Variants in LYPLAL1 observed in about 807,000 individuals in gnomAD.
LYPLAL1 encodes lysophospholipase like 1, also known as lysophospholipase-like protein 1.
LYPLAL1 carries 23 observed loss-of-function variants against 19.7 expected under a neutral mutation model. The ratio of observed to expected loss-of-function variants is 1.17; its 90% confidence interval spans 0.84 to 1.65. LYPLAL1 has a LOEUF of 1.65. LYPLAL1 is among the 40% of genes most tolerant of loss of function. The pLI is 0.00. For missense variants in LYPLAL1, 355 were observed against 279.4 expected (o/e 1.27, Z -1.93); for synonymous variants, 119 against 96.3 (o/e 1.24, Z -1.38).
intron 3 of LYPLAL1, chr1:219,199,932 CT>C (rs1657953873): frequency 4.3e-6 from 1 of 232,016 alleles, no homozygotes; most frequent in Non-Finnish European, 9.2e-6. Flanking sequence ...GAGCCATCAT[CT>C]TTCATCAAGA....
intron 2 of LYPLAL1, 82 bp from the exon 3 acceptor site, chr1:219,193,000 C>G (rs1041996221): frequency 7.6e-7 from 1 of 1,317,014 alleles, no homozygotes; most frequent in African/African-American, 1.5e-5. Flanking sequence ...ATTCAAAACA[C>G]TATTATTTTG....
chr1:219,248,963 A>G, the LYPLAL1 span, among the ~76,000 whole-genome samples: 36 of 152,182 alleles, frequency 2.4e-4, no homozygotes, highest in African/African-American at 8.4e-4. Flanking sequence ...TTAAAAAAAC[A>G]TGTACCCCTT....
the LYPLAL1 span, among the ~76,000 whole-genome samples, chr1:219,261,921 G>T: frequency 2.0e-5 from 3 of 152,106 alleles, no homozygotes; most frequent in African/African-American, 7.2e-5. Context: ...ATGTTTGCTT[G>T]ATTATTCCCT....
At chr1:219,348,432 GC>G in the LYPLAL1 span, among the ~76,000 whole-genome samples, 1 of 152,222 alleles carries the variant, frequency 6.6e-6, no homozygotes, top group East Asian at 1.9e-4. Context: ...AGGGGCCTCT[GC>G]AGGTCATTCT....
chr1:219,191,428 G>A (rs1335780402), intron 2 of LYPLAL1, among the ~76,000 whole-genome samples: 1 of 151,572 alleles, frequency 6.6e-6, no homozygotes, highest in Non-Finnish European at 1.5e-5. Flanking sequence ...CATTAAAAGG[G>A]TAAGTTAGAA....
At chr1:219,300,981 G>A in the LYPLAL1 span, among the ~76,000 whole-genome samples, 1 of 151,818 alleles carries the variant, frequency 6.6e-6, no homozygotes, top group East Asian at 1.9e-4. Flanking sequence ...CAGCTACTCA[G>A]GAGGCCTAGA....
chr1:219,336,169 G>GGAT, the LYPLAL1 span, among the ~76,000 whole-genome samples: 3 of 151,548 alleles, frequency 2.0e-5, no homozygotes, highest in Non-Finnish European at 2.9e-5. Context: ...CTTTTATCAA[G>GGAT]GATATAGTTT....
the LYPLAL1 span, among the ~76,000 whole-genome samples, chr1:219,395,414 A>G: frequency 1.3e-5 from 2 of 152,038 alleles, no homozygotes; most frequent in Non-Finnish European, 2.9e-5. Flanking sequence ...TGTTGGCTAC[A>G]TGTATGTCTT....
At chr1:219,255,132 G>A in the LYPLAL1 span, among the ~76,000 whole-genome samples, 36 of 151,790 alleles carry the variant, frequency 2.4e-4, no homozygotes, top group African/African-American at 8.4e-4. Context: ...ATTGGAATCA[G>A]CAGGTATATT....
At chr1:219,182,138 TTGAG>T (rs1363717499) in intron 2 of LYPLAL1, among the ~76,000 whole-genome samples, 1 of 152,156 alleles carries the variant, frequency 6.6e-6, no homozygotes, top group African/African-American at 2.4e-5. Context: ...CTGCAATAGA[TTGAG>T]TGAGCACCAG....
the LYPLAL1 span, among the ~76,000 whole-genome samples, chr1:219,277,648 C>T: frequency 6.6e-6 from 1 of 152,174 alleles, no homozygotes; most frequent in Non-Finnish European, 1.5e-5. Context: ...TCTTCTTTGT[C>T]TTATTCACTT....
the LYPLAL1 span, among the ~76,000 whole-genome samples, chr1:219,372,858 C>T: frequency 6.6e-6 from 1 of 152,122 alleles, no homozygotes; most frequent in African/African-American, 2.4e-5. Flanking sequence ...GTACCGTGAT[C>T]ATGCTACTGC....
intron 3 of LYPLAL1, among the ~76,000 whole-genome samples, chr1:219,206,465 A>C (rs1306152079): frequency 2.0e-5 from 3 of 152,084 alleles, no homozygotes; most frequent in Non-Finnish European, 4.4e-5. Flanking sequence ...AAAAATACAC[A>C]AAGTCCCTTT....
the LYPLAL1 span, among the ~76,000 whole-genome samples, chr1:219,290,526 C>T: frequency 1.3e-5 from 2 of 152,178 alleles, no homozygotes; most frequent in South Asian, 2.1e-4. Flanking sequence ...AAAAGTAACC[C>T]TTTATCACAA....
the LYPLAL1 span, among the ~76,000 whole-genome samples, chr1:219,324,868 C>T: frequency 1.6e-4 from 25 of 152,294 alleles, no homozygotes; most frequent in African/African-American, 6.0e-4. Context: ...GCCTTAAATA[C>T]AGAATGTATT....
At chr1:219,259,636 G>A in the LYPLAL1 span, among the ~76,000 whole-genome samples, 3 of 151,340 alleles carry the variant, frequency 2.0e-5, no homozygotes, top group Non-Finnish European at 4.4e-5. Context: ...TTGGAGACAC[G>A]GGGGGAAGGG....
chr1:219,414,683 A>C, the LYPLAL1 span, among the ~76,000 whole-genome samples: 2 of 152,194 alleles, frequency 1.3e-5, no homozygotes, highest in Non-Finnish European at 2.9e-5. Flanking sequence ...ACTTTTTCCA[A>C]GTCTGGGCTT....
At chr1:219,277,865 TG>T in the LYPLAL1 span, among the ~76,000 whole-genome samples, 3 of 152,174 alleles carry the variant, frequency 2.0e-5, no homozygotes, top group Non-Finnish European at 4.4e-5. Context: ...AAAACAAATC[TG>T]GGGACTTCAA....
chr1:219,380,730 C>T, the LYPLAL1 span, among the ~76,000 whole-genome samples: 9 of 152,216 alleles, frequency 5.9e-5, no homozygotes, highest in Admixed American at 3.9e-4. Flanking sequence ...ATCTTGATAC[C>T]GTATTTGCTA....
Sources: gnomAD v4.1 joint callset for allele counts (sites outside exome capture counted in the v4.1 genomes callset) on GRCh38, gnomAD v4.1.1 for gene constraint, MANE v1.5 for transcripts, NCBI Gene and HGNC (gene_info 2026-07-23, HGNC 2026-07-21) for gene names.